The following KCTD5 variants were observed in gnomAD, a reference collection of about 807,000 sequenced individuals.
KCTD5 encodes the protein BTB/POZ domain-containing protein KCTD5.
Under a neutral mutation model 27.9 loss-of-function variants are expected in KCTD5, and 12 were observed. The ratio of observed to expected loss-of-function variants is 0.43; its 90% CI spans 0.28 to 0.70. The LOEUF (loss-of-function observed/expected upper bound fraction) is 0.70. KCTD5 is among the 30% of genes least tolerant of loss of function. KCTD5 has a pLI of 0.19. For missense variants in KCTD5, 226 were observed against 274.8 expected (o/e 0.82, Z 1.26); for synonymous variants, 147 against 121.4 (o/e 1.21, Z -1.39).
At chr16:2,702,203 C>G (rs569182248) in intron 4 of KCTD5, 150 bp from the exon 5 acceptor site, 4 of 1,004,692 alleles carry the variant, frequency 4.0e-6, no homozygotes, top group African/African-American at 1.6e-5. Flanking sequence ...GCAGGTGTTC[C>G]GGGGATTTGT....
Position 2,699,774 on chromosome 16 carries a change from G to A in KCTD5, c.454-47G>A. On this transcript the variant is annotated intron_variant, in intron 3 of 5. Coordinates refer to ENST00000301738, the MANE Select transcript of KCTD5 (RefSeq NM_018992.4). ...ACCTGGGCTGGGGCCACAGGCAGCA[G>A]TGGGACATGGGTGGCCCGCCCTTAC... The A allele has an allele frequency of 2.5e-6, 4 of 1,573,810 alleles. No individual in the cohort carries two copies. In the South Asian group the frequency reaches 4.4e-5, roughly 17 times the overall value.
intron 5 of KCTD5, among the ~76,000 whole-genome samples, chr16:2,703,898 G>A (rs987397339): frequency 7.2e-5 from 11 of 152,164 alleles, no homozygotes; most frequent in African/African-American, 2.7e-4. Context: ...CTCCCTGAGA[G>A]CCCCAGCTCA....
chr16:2,704,518 G>T (rs1043648468), intron 5 of KCTD5, among the ~76,000 whole-genome samples: 1 of 152,238 alleles, frequency 6.6e-6, no homozygotes, highest in Middle Eastern at 3.2e-3. Flanking sequence ...TTGCTAGAAG[G>T]ACTCGCAGAG....
chr16:2,690,098 G>A (rs1053148280), intron 1 of KCTD5, among the ~76,000 whole-genome samples: 10 of 152,252 alleles, frequency 6.6e-5, no homozygotes, highest in Non-Finnish European at 1.0e-4. Context: ...AGCTGCAGCC[G>A]GAGTCTGGTG....
chr16:2,693,149 G>A (rs976586540), intron 1 of KCTD5, among the ~76,000 whole-genome samples: 11 of 152,328 alleles, frequency 7.2e-5, no homozygotes, highest in Admixed American at 5.2e-4. Context: ...CCCACCCCAG[G>A]CCCCCGAAGC....
chr16:2,706,922 G>C (rs1348884616), intron 5 of KCTD5, among the ~76,000 whole-genome samples: 1 of 151,804 alleles, frequency 6.6e-6, no homozygotes, highest in Non-Finnish European at 1.5e-5. Context: ...AGTGGGCATG[G>C]AGGAACAGAG....
rs2067524242 is a variant in KCTD5 at position 2,682,813 on chromosome 16, C to T, written c.252+13C>T. ...GGACTCAGACAAGGTGAGGGCCTCACGGGCCAGCCCGGAGGGTCCTGGCCT... is the reference window on the plus strand; with the variant it reads ...GGACTCAGACAAGGTGAGGGCCTCATGGGCCAGCCCGGAGGGTCCTGGCCT... On this transcript the variant is annotated intron_variant, in intron 1 of 5. Transcript: ENST00000301738. The T allele has an allele frequency of 1.9e-6, 3 of 1,577,448 alleles. No individual in the cohort carries two copies. Among genetic ancestry groups the T allele is most frequent in the Non-Finnish European group, 2.6e-6 (3 of 1,164,986 alleles).
intron 2 of KCTD5, chr16:2,697,079 G>T (rs1331996861): frequency 1.3e-5 from 2 of 152,484 alleles, no homozygotes; most frequent in East Asian, 1.9e-4. Context: ...GGGTGCTAGA[G>T]AAGGGGGCTG....
At chr16:2,699,195 G>A (rs1212272442) in intron 3 of KCTD5, 1 of 456,100 alleles carries the variant, frequency 2.2e-6, no homozygotes, top group Admixed American at 2.3e-5. Flanking sequence ...TGACTGTCCA[G>A]GATGTGGGGC....
In KCTD5 at chr16:2,682,565, G is replaced by A. The variant is rs746850719; in HGVS notation, c.17G>A (p.Cys6Tyr). ...GCTGGGATCATGGCGGAGAATCACT[G>A]CGAGCTCCTGTCGCCGGCCCGGGGC... MAENHCELLSPARGGI... is the reference protein window; with the variant it reads MAENHYELLSPARGGI... The change falls in exon 1 of 6, where the codon TGC becomes TAC. Residue 6 changes from cysteine to tyrosine, a missense_variant. Coordinates refer to ENST00000301738, the MANE Select transcript of KCTD5 (RefSeq NM_018992.4). 8 of 1,414,462 alleles carry A rather than the reference G, an allele frequency of 5.7e-6. No homozygotes were observed. In the Admixed American group the frequency reaches 9.0e-5, roughly 16 times the overall value. The allele number at this position is 1,414,462 out of a possible 1,614,324, so 87.6% of individuals were successfully genotyped here.
rs533426680 is a variant in KCTD5 at position 2,705,008 on chromosome 16, T to C, written c.676-2290T>C. ...AGATGTGGCAGAGCCCCTGAGCCTG[T>C]GTGTCCCCTCGTGGCGTGGCCTCAC... On this transcript the variant is annotated intron_variant, in intron 5 of 5. Transcript: ENST00000301738. 8.5e-5 allele frequency among the ~76,000 whole-genome samples: 13 copies of C among 152,304 alleles called. No homozygotes were observed. The East Asian group carries it at 2.3e-3, about 27-fold the overall frequency.
intron 3 of KCTD5, 86 bp downstream of exon 3, chr16:2,698,083 A>G (rs1037294620): frequency 4.2e-6 from 4 of 957,368 alleles, no homozygotes; most frequent in Non-Finnish European, 6.6e-6. Context: ...CTGCCTCCCA[A>G]ATAAGTCCTG....
intron 1 of KCTD5, among the ~76,000 whole-genome samples, chr16:2,687,754 C>T (rs530370955): frequency 6.6e-6 from 1 of 152,152 alleles, no homozygotes; most frequent in South Asian, 2.1e-4. Flanking sequence ...CCCCTCCACG[C>T]CCCAGGTAAG....
At chr16:2,699,725 AGT>A (rs2067602958) in intron 3 of KCTD5, 94 bp from the exon 4 acceptor site, 3 of 1,072,148 alleles carry the variant, frequency 2.8e-6, no homozygotes, top group Non-Finnish European at 4.3e-6. Context: ...AGAACTGCAG[AGT>A]GGACCTCAGC....
rs374183656 is a variant in KCTD5 at position 2,698,016 on chromosome 16, G to A, written c.453+19G>A. On this transcript the variant is annotated intron_variant, in intron 3 of 5. Transcript: ENST00000301738. ...ATCGCAGGTGAGACAAATGACTGAG[G>A]CTGGAAGCTTGTATGGCTGGTGTGA... 1.9e-6 allele frequency: 3 copies of A among 1,573,068 alleles called. No homozygotes were observed. In the African/African-American group the frequency reaches 4.0e-5, roughly 21 times the overall value.
chr16:2,687,080 G>C (rs985669895), intron 1 of KCTD5, among the ~76,000 whole-genome samples: 2 of 152,164 alleles, frequency 1.3e-5, no homozygotes, highest in African/African-American at 2.4e-5. Flanking sequence ...TGCGGTGCTG[G>C]GGGCTCCCCG....
intron 2 of KCTD5, among the ~76,000 whole-genome samples, chr16:2,697,495 C>T (rs892541967): frequency 6.6e-6 from 1 of 152,246 alleles, no homozygotes; most frequent in Non-Finnish European, 1.5e-5. Context: ...TGGCCATGAG[C>T]AGGTTCCCAG....
intron 3 of KCTD5, chr16:2,699,080 C>A: frequency 2.2e-6 from 1 of 453,008 alleles, no homozygotes. Context: ...ACTCAGGCAT[C>A]CCTGGCATGA....
chr16:2,703,035 C>T (rs1363295321), intron 5 of KCTD5, among the ~76,000 whole-genome samples: 3 of 152,190 alleles, frequency 2.0e-5, no homozygotes, highest in Non-Finnish European at 4.4e-5. Flanking sequence ...CTTTGCGGCA[C>T]CCAGCCTGGC....
Sources: gnomAD v4.1 joint callset for allele counts (sites outside exome capture counted in the v4.1 genomes callset) on GRCh38, gnomAD v4.1.1 for gene constraint, MANE v1.5 for transcripts, NCBI Gene and HGNC (gene_info 2026-07-23, HGNC 2026-07-21) for gene names.